Variants in FRY observed in about 807,000 individuals in gnomAD.
FRY encodes FRY microtubule binding protein.
In FRY, 128 loss-of-function variants were observed where a neutral mutation model predicts 348.4. That is an observed-to-expected ratio of 0.37 (90% confidence interval 0.32 to 0.43). The LOEUF is 0.43. Ranked by LOEUF, FRY falls within the 20% of genes least tolerant of loss-of-function variation. The pLI is 1.00. For synonymous variants in FRY, 1,370 were observed against 1,374.7 expected, an observed-to-expected ratio of 1.00 and a Z score of 0.08; for missense variants, 2,736 against 3,695.2, an observed-to-expected ratio of 0.74 and a Z score of 6.73.
chr13:32,173,972 A>G (rs1882236622), intron 19 of FRY, among the ~76,000 whole-genome samples: 1 of 152,228 alleles, frequency 6.6e-6, no homozygotes, highest in Non-Finnish European at 1.5e-5. Flanking sequence ...AATCTTGATG[A>G]TGGTAGAAAA....
intron 40 of FRY, among the ~76,000 whole-genome samples, chr13:32,229,664 T>C (rs1478653965): frequency 1.3e-5 from 2 of 152,210 alleles, no homozygotes; most frequent in Non-Finnish European, 1.5e-5. Context: ...AACTCTCCTC[T>C]GAAGTTCTCC....
chr13:32,202,698 C>T (rs767910337), intron 31 of FRY, among the ~76,000 whole-genome samples, 171 bp downstream of exon 31: 3 of 152,112 alleles, frequency 2.0e-5, no homozygotes, highest in Non-Finnish European at 4.4e-5. Context: ...TTCCTGTAAT[C>T]CCAGCACTTT....
rs1052986695 is a variant in FRY, at chr13:32,099,923, T to C, written c.271-2040T>C. 2.6e-5 allele frequency among the ~76,000 whole-genome samples: 4 copies of C among 151,988 alleles called. 1 individual carries two copies. Among genetic ancestry groups the C allele is most frequent in the Admixed American group, 2.6e-4 (4 of 15,258 alleles). ...TAGTAGACTCTTGTTACTACTGATATTATTTTTGCAGAGAACTAGATGTGG... is the reference window on the plus strand; with the variant it reads ...TAGTAGACTCTTGTTACTACTGATACTATTTTTGCAGAGAACTAGATGTGG... On this transcript the variant is annotated intron_variant, in intron 2 of 60. Transcript: ENST00000542859.
chr13:32,201,794 AG>A, intron 29 of FRY, 146 bp from the exon 30 acceptor site: 1 of 649,266 alleles, frequency 1.5e-6, no homozygotes. Flanking sequence ...TAGCAAAAGA[AG>A]GAAGCAAAAA....
At chr13:32,037,816 G>A (rs567397975) in intron 1 of FRY, among the ~76,000 whole-genome samples, 3 of 152,258 alleles carry the variant, frequency 2.0e-5, no homozygotes, top group South Asian at 4.1e-4. Flanking sequence ...AGTCAAATAG[G>A]TTACATATAT....
At chr13:32,098,288 A>G (rs918093639) in intron 2 of FRY, among the ~76,000 whole-genome samples, 10 of 152,136 alleles carry the variant, frequency 6.6e-5, no homozygotes, top group African/African-American at 2.4e-4. Context: ...TCATCAATCA[A>G]CAGTGTCTGA....
Position 32,262,432 on chromosome 13 carries a change from C to T in FRY, c.7736C>T (p.Ser2579Phe), listed in dbSNP as rs913144111. The change falls in exon 53 of 61, where the codon TCC becomes TTC. Residue 2579 changes from serine (S) to phenylalanine (F), a missense_variant. Ser to Phe is a radical substitution (Grantham distance 155). This residue lies in a region of FRY where 789 missense variants were observed against 996.2 expected (regional missense o/e 0.79). Transcript: ENST00000542859. The stretch of plus-strand genomic sequence containing the variant: ...ACCAGAATGTCCAGCTTTGATGCTT[C>T]CTTGCCTGATATGAATAATCTGCAG... ...FNTRMSSFDA[S>F]LPDMNNLQIS... The T allele has an allele frequency of 1.2e-6, 2 of 1,613,730 alleles. No individual in the cohort carries two copies. The highest frequency in any genetic ancestry group is 1.7e-6 in the Non-Finnish European group (2 of 1,179,682).
rs780991779 is a variant in FRY, at chr13:32,147,275, G to A, written c.1180-7G>A. ...TCTGCAGTCTTACATCTTGGTTTCT[G>A]TTATAGAACAAAGATCCCAAGATGG... On this transcript the variant is annotated splice_polypyrimidine_tract_variant and splice_region_variant and intron_variant, in intron 11 of 60. Transcript: ENST00000542859. The A allele has an allele frequency of 3.3e-5, 51 of 1,549,780 alleles. No homozygotes were observed. Among genetic ancestry groups the A allele is most frequent in the Middle Eastern group, 1.7e-4 (1 of 5,960 alleles).
chr13:32,205,624 C>T (rs141872869), intron 31 of FRY, among the ~76,000 whole-genome samples: 315 of 152,198 alleles, frequency 2.1e-3, no homozygotes, highest in African/African-American at 7.3e-3. Flanking sequence ...GGTTTGTAGG[C>T]CAGCAATCTT....
intron 2 of FRY, among the ~76,000 whole-genome samples, chr13:32,097,946 TA>T (rs1566069271): frequency 6.7e-6 from 1 of 149,580 alleles, no homozygotes; most frequent in Non-Finnish European, 1.5e-5. Context: ...AGAGTATTTT[TA>T]AAAAAATTTA....
intron 56 of FRY, 99 bp downstream of exon 56, chr13:32,275,090 A>C (rs1593838121): frequency 1.8e-6 from 2 of 1,133,802 alleles, no homozygotes; most frequent in East Asian, 2.4e-5. Flanking sequence ...TTTTAAAGAT[A>C]CCTTCTGGCC....
At chr13:32,064,514 G>C (rs1019431971) in intron 1 of FRY, among the ~76,000 whole-genome samples, 24 of 152,054 alleles carry the variant, frequency 1.6e-4, no homozygotes, top group Admixed American at 5.2e-4. Context: ...ACTGTCAGCT[G>C]TGTGAAGCTA....
At chr13:32,116,763 A>G (rs1156724991) in intron 3 of FRY, among the ~76,000 whole-genome samples, 2 of 152,184 alleles carry the variant, frequency 1.3e-5, no homozygotes, top group African/African-American at 2.4e-5. Context: ...TCTTTAAAGA[A>G]AAAGGGAGAA....
intron 40 of FRY, among the ~76,000 whole-genome samples, chr13:32,229,435 A>T (rs1436574341): frequency 2.6e-5 from 4 of 152,146 alleles, no homozygotes; most frequent in Non-Finnish European, 5.9e-5. Context: ...TGCAAACAAT[A>T]AAAAAAGAGT....
At chr13:32,047,782 A>G (rs549744693) in intron 1 of FRY, among the ~76,000 whole-genome samples, 44 of 152,300 alleles carry the variant, frequency 2.9e-4, no homozygotes, top group Non-Finnish European at 6.2e-4. Flanking sequence ...CATGTTAGCC[A>G]GGCTGGTCTC....
At position 32,102,151 on chromosome 13, in the gene FRY, C is replaced by A. The variant is rs912460864; in HGVS notation, c.324+135C>A. The A allele has an allele frequency of 1.5e-5, 10 of 661,992 alleles. No homozygotes were observed. In the African/African-American group the frequency reaches 1.8e-4, roughly 12 times the overall value. 41.0% of individuals were successfully genotyped at this position (661,992 alleles called of 1,614,324 possible). On this transcript the variant is annotated intron_variant, in intron 3 of 60. Transcript: ENST00000542859. ...TGGGTATGTGGTCTTAAGAACTGTA[C>A]CCTGCAGTTTTCATGGTTGTGGTTT...
intron 59 of FRY, among the ~76,000 whole-genome samples, chr13:32,290,150 G>A: frequency 6.6e-6 from 1 of 152,248 alleles, no homozygotes; most frequent in East Asian, 1.9e-4. Flanking sequence ...TCTGTATGAT[G>A]TGTTTGGTTC....
intron 1 of FRY, among the ~76,000 whole-genome samples, chr13:32,073,755 A>C (rs1043342538): frequency 6.6e-6 from 1 of 152,240 alleles, no homozygotes; most frequent in Non-Finnish European, 1.5e-5. Context: ...TTCTAATGAA[A>C]GATGGTATTA....
At chr13:32,124,118 A>G (rs1275544169) in intron 4 of FRY, among the ~76,000 whole-genome samples, 168 bp from the exon 5 acceptor site, 2 of 152,184 alleles carry the variant, frequency 1.3e-5, no homozygotes, top group Non-Finnish European at 2.9e-5. Context: ...GATTACAGGC[A>G]TGAGCCACTC....
Sources: allele counts gnomAD v4.1 joint callset (sites outside exome capture counted in the v4.1 genomes callset), GRCh38; gene constraint gnomAD v4.1.1; regional missense constraint gnomAD v4.1.1; transcripts MANE v1.5; gene names NCBI Gene and HGNC (gene_info 2026-07-23, HGNC 2026-07-21).